The following MAP2K1 variants were observed in gnomAD, a reference collection of about 807,000 sequenced individuals.
MAP2K1 encodes dual specificity mitogen-activated protein kinase kinase 1.
In MAP2K1, 16 loss-of-function variants were observed where a neutral mutation model predicts 46.3. That is an observed-to-expected ratio of 0.35 (90% CI 0.23 to 0.52). MAP2K1 has a LOEUF of 0.52. Among genes scored for constraint, MAP2K1 ranks in the 20% least tolerant of loss-of-function variants. The pLI, the probability that MAP2K1 is intolerant of heterozygous loss-of-function variation, is 0.94. For missense variants in MAP2K1, 263 were observed against 497.1 expected (o/e 0.53, Z 4.48); for synonymous variants, 183 against 185.6 (o/e 0.99, Z 0.11).
At chr15:66,395,445 A>C (rs938231057) in intron 1 of MAP2K1, among the ~76,000 whole-genome samples, 12 of 150,406 alleles carry the variant, frequency 8.0e-5, no homozygotes, top group African/African-American at 2.9e-4. Context: ...GCTGTGGTCC[A>C]CTTACCACTT....
chr15:66,388,398 C>T (rs1299163945), intron 1 of MAP2K1, among the ~76,000 whole-genome samples: 1 of 152,034 alleles, frequency 6.6e-6, no homozygotes, highest in Non-Finnish European at 1.5e-5. Flanking sequence ...TGTTGTTTGC[C>T]CAACCTTCAA....
intron 1 of MAP2K1, among the ~76,000 whole-genome samples, chr15:66,388,835 G>T (rs1469006811): frequency 6.6e-6 from 1 of 151,896 alleles, no homozygotes; most frequent in African/African-American, 2.4e-5. Context: ...CAATCCTGTG[G>T]GGTCTATTTT....
chr15:66,441,815 G>A (rs1291793417), intron 3 of MAP2K1, among the ~76,000 whole-genome samples: 1 of 151,602 alleles, frequency 6.6e-6, no homozygotes, highest in Non-Finnish European at 1.5e-5. Context: ...AGAAGATGAT[G>A]ATAACTGCTC....
Position 66,397,004 on chromosome 15 carries a change from T to C in MAP2K1, c.80+9577T>C, listed in dbSNP as rs1360005453. ...CTGGCCTGTAACGCTTCTTTTTTTTTTTTTTTTTTTTTTTTTTTGAGATGG... is the reference window on the plus strand; with the variant it reads ...CTGGCCTGTAACGCTTCTTTTTTTTCTTTTTTTTTTTTTTTTTTGAGATGG... On this transcript the variant is annotated intron_variant, in intron 1 of 10. Transcript: ENST00000307102. 2.3e-4 allele frequency among the ~76,000 whole-genome samples: 26 copies of C among 110,904 alleles called. No individual in the cohort carries two copies. The East Asian group carries it at 4.6e-3, about 20-fold the overall frequency. The allele number at this position is 110,904 out of a possible 152,430, so 72.8% of individuals were successfully genotyped here. A position where few individuals can be genotyped will look rare whatever the true frequency, so the allele number is the denominator to read the frequency against.
chr15:66,408,987 G>T (rs979162183), intron 1 of MAP2K1, among the ~76,000 whole-genome samples: 1 of 152,192 alleles, frequency 6.6e-6, no homozygotes, highest in Non-Finnish European at 1.5e-5. Context: ...GCTAACCGCT[G>T]TGAAGCCTGG....
chr15:66,435,328 C>A, intron 2 of MAP2K1, 91 bp downstream of exon 2: 16 of 1,012,216 alleles, frequency 1.6e-5, no homozygotes, highest in Non-Finnish European at 2.3e-5. Context: ...TGATTTTACT[C>A]AATACCTTTT....
chr15:66,409,268 AGCC>A (rs1305622638), intron 1 of MAP2K1, among the ~76,000 whole-genome samples: 1 of 152,138 alleles, frequency 6.6e-6, no homozygotes, highest in Non-Finnish European at 1.5e-5. Context: ...TTGCCTTTTC[AGCC>A]AACAGTCCCA....
At chr15:66,411,500 T>G (rs979899529) in intron 1 of MAP2K1, among the ~76,000 whole-genome samples, 6 of 152,176 alleles carry the variant, frequency 3.9e-5, no homozygotes, top group African/African-American at 9.7e-5. Flanking sequence ...TTTATCTGCT[T>G]CTTTTTTAAG....
At chr15:66,478,347 TTAAA>T (rs1017000603) in intron 5 of MAP2K1, among the ~76,000 whole-genome samples, 4 of 143,448 alleles carry the variant, frequency 2.8e-5, no homozygotes, top group Admixed American at 7.0e-5. Context: ...CACATATATG[TTAAA>T]TATATATACA....
intron 1 of MAP2K1, among the ~76,000 whole-genome samples, chr15:66,409,928 C>T (rs34957511): frequency 0.11 from 16,103 of 152,198 alleles, 1,083 homozygotes; most frequent in Non-Finnish European, 0.15. Context: ...GTTAATCATC[C>T]GTTTCCCCAT....
At chr15:66,463,266 T>C (rs1200517910) in intron 5 of MAP2K1, among the ~76,000 whole-genome samples, 3 of 152,212 alleles carry the variant, frequency 2.0e-5, no homozygotes, top group Non-Finnish European at 4.4e-5. Context: ...AGAGAAGATA[T>C]CTCGATTGAA....
intron 10 of MAP2K1, 121 bp downstream of exon 10, chr15:66,489,884 C>T (rs971841927): frequency 5.6e-6 from 5 of 885,426 alleles, no homozygotes; most frequent in South Asian, 1.3e-5. Context: ...CCAGCTGAGC[C>T]TGGGGCTGCA....
In MAP2K1 at chr15:66,394,250, A is replaced by G. The variant is rs2093362621; in HGVS notation, c.80+6823A>G. Among the ~76,000 whole-genome samples, 13 of 152,288 alleles carry G rather than the reference A, an allele frequency of 8.5e-5. No homozygotes were observed. The South Asian group carries it at 2.5e-3, about 29-fold the overall frequency. ...TAGCGTTCATGATTTTGGATTTTGA[A>G]TTGTTTCTATGTAACCCTGAAACAC... On this transcript the variant is annotated intron_variant, in intron 1 of 10. Coordinates refer to ENST00000307102, the MANE Select transcript of MAP2K1 (RefSeq NM_002755.4).
intron 3 of MAP2K1, among the ~76,000 whole-genome samples, chr15:66,441,644 C>T (rs1431120962): frequency 6.6e-6 from 1 of 151,870 alleles, no homozygotes; most frequent in Non-Finnish European, 1.5e-5. Flanking sequence ...TGTTTGTTCC[C>T]TGCCTTGTTT....
At position 66,491,019 on chromosome 15, in the gene MAP2K1, TTC is replaced by T. The variant is rs1414390821; in HGVS notation, c.*410_*411del. The T allele has an allele frequency of 1.4e-5, 6 of 422,792 alleles. No individual in the cohort carries two copies. Among genetic ancestry groups the T allele is most frequent in the African/African-American group, 1.2e-4 (6 of 50,644 alleles). 26.2% of individuals were successfully genotyped at this position (422,792 alleles called of 1,614,324 possible). A position where few individuals can be genotyped will look rare whatever the true frequency, so the allele number is the denominator to read the frequency against. ...GTACTTTATTCTTGCTGGGCATACT[TTC>T]TCTCTAGGAGGGAGCCTTGTGAGAT... On this transcript the variant is annotated 3_prime_UTR_variant, in exon 11 of 11. Coordinates refer to ENST00000307102, the MANE Select transcript of MAP2K1 (RefSeq NM_002755.4).
intron 3 of MAP2K1, 113 bp from the exon 4 acceptor site, chr15:66,443,167 A>C (rs2140597403): frequency 1.5e-6 from 1 of 661,686 alleles, no homozygotes; most frequent in East Asian, 3.2e-5. Flanking sequence ...GCTCACTGCA[A>C]GCTCCGCCTC....
chr15:66,478,559 C>T (rs1320958895), intron 5 of MAP2K1, among the ~76,000 whole-genome samples: 2 of 149,480 alleles, frequency 1.3e-5, no homozygotes, highest in Admixed American at 1.3e-4. Flanking sequence ...AGTGCAGTGG[C>T]ACGATCTCGG....
intron 6 of MAP2K1, among the ~76,000 whole-genome samples, chr15:66,483,062 C>G (rs951937574): frequency 6.6e-6 from 1 of 152,184 alleles, no homozygotes; most frequent in African/African-American, 2.4e-5. Flanking sequence ...AGTCTAGATT[C>G]AGGGAGGTTA....
intron 1 of MAP2K1, among the ~76,000 whole-genome samples, chr15:66,407,825 G>C (rs1011257340): frequency 6.6e-6 from 1 of 152,210 alleles, no homozygotes; most frequent in Non-Finnish European, 1.5e-5. Flanking sequence ...CTGGCCAACA[G>C]AGCAAGACTT....
Sources: gnomAD v4.1 joint callset for allele counts (sites outside exome capture counted in the v4.1 genomes callset) on GRCh38, gnomAD v4.1.1 for gene constraint, MANE v1.5 for transcripts, NCBI Gene and HGNC (gene_info 2026-07-23, HGNC 2026-07-21) for gene names.